Variants in DSP observed in about 807,000 individuals in gnomAD.
DSP encodes the protein desmoplakin.
In DSP, 114 loss-of-function variants were observed where a neutral mutation model predicts 290.6. That is an observed-to-expected ratio of 0.39 (90% CI 0.34 to 0.46). The LOEUF is 0.46. Ranked by LOEUF, DSP falls within the 20% of genes least tolerant of loss-of-function variation. DSP has a pLI of 0.99. For synonymous variants in DSP, 1,311 were observed against 1,316.4 expected, an observed-to-expected ratio of 1.00 and a Z score of 0.09; for missense variants, 3,230 against 3,495.8, an observed-to-expected ratio of 0.92 and a Z score of 1.92.
At chr6:7,561,660 G>A (rs1285717872) in intron 4 of DSP, among the ~76,000 whole-genome samples, 1 of 152,220 alleles carries the variant, frequency 6.6e-6, no homozygotes, top group African/African-American at 2.4e-5. Context: ...GTTTAAAGCC[G>A]AGACAGCTGT....
At chr6:7,559,199 G>C (rs777620086) in intron 3 of DSP, 27 bp from the exon 4 acceptor site, 1 of 1,613,012 alleles carries the variant, frequency 6.2e-7, no homozygotes, top group East Asian at 2.2e-5. Context: ...TTTTCCTGCA[G>C]TGGTTTAAAG....
chr6:7,542,113 T>G, intron 1 of DSP, 28 bp downstream of exon 1: 1 of 1,551,370 alleles, frequency 6.4e-7, no homozygotes, highest in South Asian at 1.2e-5. Context: ...GAGCGCGGGC[T>G]GCGGGGCTCG....
At position 7,583,524 on chromosome 6, in the gene DSP, G is replaced by A; in HGVS notation, c.6262G>A (p.Ala2088Thr). ...CTTCGATGACCGTCAGCAGATATATGCAGCAGAAAAAGCTATCACTGGTTT... is the reference window on the plus strand; with the variant it reads ...CTTCGATGACCGTCAGCAGATATATACAGCAGAAAAAGCTATCACTGGTTT... ...IDFDDRQQIY[A>T]AEKAITGFDD... The change falls in exon 24 of 24, where the codon GCA becomes ACA. Residue 2088 changes from alanine (A) to threonine (T), a missense_variant. By Grantham distance (58) the Ala-to-Thr change is moderately conservative. Around this residue, in one of 5 missense-constraint regions of DSP, gnomAD observed 1,714 missense variants for 1,844.5 expected, o/e 0.93. Coordinates refer to ENST00000379802, the MANE Select transcript of DSP (RefSeq NM_004415.4). The surrounding 1 kb of genome is among the most constrained non-coding windows in gnomAD (Gnocchi z 4.0). 1.2e-6 allele frequency: 2 copies of A among 1,614,172 alleles called. No individual in the cohort carries two copies. Among genetic ancestry groups the A allele is most frequent in the Non-Finnish European group, 1.7e-6 (2 of 1,180,034 alleles).
chr6:7,585,993 C>G lies in DSP; in HGVS notation c.*115C>G. 1 of 1,075,250 alleles carries G rather than the reference C, an allele frequency of 9.3e-7. No individual in the cohort carries two copies. Among genetic ancestry groups the G allele is most frequent in the South Asian group, 1.3e-5 (1 of 74,130 alleles). 66.6% of individuals were successfully genotyped at this position (1,075,250 alleles called of 1,614,324 possible). A position where few individuals can be genotyped will look rare whatever the true frequency, so the allele number is the denominator to read the frequency against. ...CAGTAGAGTGATAGGACATTCTATG[C>G]TTACAGAAAATATAGCCATGATTGA... is the stretch of plus-strand genomic sequence containing the variant. On this transcript the variant is annotated 3_prime_UTR_variant, in exon 24 of 24. Transcript: ENST00000379802.
Position 7,558,133 on chromosome 6 carries a change from T to G in DSP, c.291T>G (p.Asp97Glu), listed in dbSNP as rs769727026. ...LIVQPELKYG[D>E]GIQLTRSREL... ...TCTTTCAGGAATTGAAGTATGGAGA[T>G]GGAATACAACTGACTCGGAGTCGAG... The change falls in exon 3 of 24, where the codon GAT becomes GAG. Residue 97 changes from aspartate to glutamate, a missense_variant. Physicochemically the swap from Asp to Glu is conservative, Grantham distance 45. This residue lies in a region of DSP where 646 missense variants were observed against 684.3 expected (regional missense o/e 0.94). Transcript: ENST00000379802. 1 of 1,614,222 alleles carries G rather than the reference T, an allele frequency of 6.2e-7. No homozygotes were observed. The highest frequency in any genetic ancestry group is 8.5e-7 in the Non-Finnish European group (1 of 1,180,038).
Position 7,543,615 on chromosome 6 carries a change from A to G in DSP, c.170+1530A>G, listed in dbSNP as rs112706018. ...CAGTCCTCCAGGATTTGAGATGCAC[A>G]TCCTTTAAATGTGTGGGTTACACAC... On this transcript the variant is annotated intron_variant, in intron 1 of 23. Transcript: ENST00000379802. Among the ~76,000 whole-genome samples, 1,256 of 152,252 alleles carry G rather than the reference A, an allele frequency of 8.2e-3. 15 individuals are homozygous for G. Among genetic ancestry groups the G allele is most frequent in the African/African-American group, 0.028 (1,143 of 41,548 alleles).
chr6:7,579,106 G>T lies in DSP; in HGVS notation c.3085-169G>T, dbSNP rs1335819832. ...TATGAGCAGCTGGTGCAAGAATTAT[G>T]ATGAGAATCCAGATTTCTTGAATAT... On this transcript the variant is annotated intron_variant, in intron 22 of 23. Coordinates refer to ENST00000379802, the MANE Select transcript of DSP (RefSeq NM_004415.4). This position sits in a 1 kb window ranked among gnomAD's most constrained non-coding sequence, Gnocchi z 4.1. Among the ~76,000 whole-genome samples the T allele has an allele frequency of 6.6e-6, 1 of 152,198 alleles. No homozygotes were observed. Among genetic ancestry groups the T allele is most frequent in the Non-Finnish European group, 1.5e-5 (1 of 68,034 alleles).
intron 2 of DSP, 61 bp downstream of exon 2, chr6:7,555,881 G>C: frequency 6.6e-7 from 1 of 1,513,102 alleles, no homozygotes; most frequent in Non-Finnish European, 9.1e-7. Context: ...ACTGTCCTCT[G>C]GTTAGCTTCT....
intron 15 of DSP, among the ~76,000 whole-genome samples, chr6:7,572,751 C>A (rs537008807): frequency 6.6e-6 from 1 of 152,008 alleles, no homozygotes; most frequent in Non-Finnish European, 1.5e-5. Context: ...GCTTAATGAC[C>A]GGGGCACATT....
chr6:7,548,221 C>G (rs1435788283), intron 1 of DSP, among the ~76,000 whole-genome samples: 1 of 151,712 alleles, frequency 6.6e-6, no homozygotes, highest in Non-Finnish European at 1.5e-5. Flanking sequence ...GAGCTGAGAT[C>G]ATGCCACTGC....
In DSP at chr6:7,580,566, C is replaced by T. The variant is rs1160666212; in HGVS notation, c.4376C>T (p.Thr1459Ile). 1 of 1,613,956 alleles carries T rather than the reference C, an allele frequency of 6.2e-7. No individual in the cohort carries two copies. The highest frequency in any genetic ancestry group is 1.3e-5 in the African/African-American group (1 of 74,856). ...CTGAGACAAGTCACTCAGATGCGAA[C>T]AGAGGAGAGCGTAAGATATAAGCAA... ...VELRQVTQMR[T>I]EESVRYKQSL... Residue 1459 changes from threonine (T) to isoleucine (I), a missense_variant, in exon 23 of 24, where the codon ACA becomes ATA. Transcript: ENST00000379802. The surrounding 1 kb of genome is among the most constrained non-coding windows in gnomAD (Gnocchi z 4.2).
chr6:7,583,994 C>A lies in DSP; in HGVS notation c.6732C>A (p.Asp2244Glu). 1 of 1,614,084 alleles carries A rather than the reference C, an allele frequency of 6.2e-7. No individual in the cohort carries two copies. Among genetic ancestry groups the A allele is most frequent in the Non-Finnish European group, 8.5e-7 (1 of 1,180,020 alleles). The change falls in exon 24 of 24, where the codon GAC (aspartate) becomes GAA (glutamate). Residue 2244 changes from aspartate (D) to glutamate (E), a missense_variant. By Grantham distance (45) the Asp-to-Glu change is conservative. Transcript: ENST00000379802. The surrounding 1 kb of genome is among the most constrained non-coding windows in gnomAD (Gnocchi z 4.0). ...NELESGQISYDEVGERIKDFL... is the reference protein window; with the variant it reads ...NELESGQISYEEVGERIKDFL... ...TGGAATCTGGTCAGATTTCTTATGACGAGGTTGGTGAGAGAATTAAGGACT... is the reference window on the plus strand; with the variant it reads ...TGGAATCTGGTCAGATTTCTTATGAAGAGGTTGGTGAGAGAATTAAGGACT...
chr6:7,571,842 T>C lies in DSP; in HGVS notation c.1904T>C (p.Val635Ala), dbSNP rs900863472. 3.1e-6 allele frequency: 5 copies of C among 1,612,046 alleles called. No individual in the cohort carries two copies. Among genetic ancestry groups the C allele is most frequent in the Non-Finnish European group, 4.2e-6 (5 of 1,180,010 alleles). ...QLPGYPQHQTVTTTEITHHGT... is the reference protein window; with the variant it reads ...QLPGYPQHQTATTTEITHHGT... ...TTGTGGCCCTAACTTCTTTTTACAG[T>C]GACCACAACTGAAATCACTCATCAT... Residue 635 changes from valine to alanine, a missense_variant and splice_region_variant, in exon 15 of 24, where the codon GTG (valine) becomes GCG (alanine). Around this residue, in one of 5 missense-constraint regions of DSP, gnomAD observed 81 missense variants for 130.5 expected, o/e 0.62. Coordinates refer to ENST00000379802, the MANE Select transcript of DSP (RefSeq NM_004415.4).
At chr6:7,572,852 G>C (rs998105156) in intron 15 of DSP, among the ~76,000 whole-genome samples, 1 of 152,188 alleles carries the variant, frequency 6.6e-6, no homozygotes, top group African/African-American at 2.4e-5. Context: ...TATACACCTA[G>C]GCTACAAACC....
rs762495630 is a variant in DSP at position 7,584,944 on chromosome 6, TCTC to T, written c.7685_7687del (p.Ser2562del). 9.9e-6 allele frequency: 16 copies of T among 1,613,998 alleles called. No homozygotes were observed. The highest frequency in any genetic ancestry group is 1.6e-4 in the Middle Eastern group (1 of 6,084). On this transcript the variant is annotated inframe_deletion, in exon 24 of 24. Coordinates refer to ENST00000379802, the MANE Select transcript of DSP (RefSeq NM_004415.4). The surrounding 1 kb of genome is among the most constrained non-coding windows in gnomAD (Gnocchi z 6.4). ...AGCCTCACTCAATTTGCTGACATGA[TCTC>T]CTTGAAAAATGGTGTCGGCACCAGC...
In DSP at chr6:7,580,483, A is replaced by C. The variant is rs1410189405; in HGVS notation, c.4293A>C (p.Gln1431His). The change falls in exon 23 of 24, where the codon CAA (glutamine) becomes CAC (histidine). Residue 1431 changes from glutamine to histidine, a missense_variant. By Grantham distance (24) the Gln-to-His change is conservative (BLOSUM62 0). This residue lies in a region of DSP where 1,714 missense variants were observed against 1,844.5 expected (regional missense o/e 0.93). Transcript: ENST00000379802. This position sits in a 1 kb window ranked among gnomAD's most constrained non-coding sequence, Gnocchi z 4.2. ...TCAGGAGGGTGGAAGAAGACATCCA[A>C]CAGCAAAAGGCCACTGGCTCTGAGG... ...ENLRRVEEDI[Q>H]QQKATGSEVS... The C allele has an allele frequency of 6.2e-7, 1 of 1,614,032 alleles. No homozygotes were observed. The highest frequency in any genetic ancestry group is 1.1e-5 in the South Asian group (1 of 91,060).
At chr6:7,568,891 A>C (rs976093980) in intron 11 of DSP, among the ~76,000 whole-genome samples, 1 of 152,242 alleles carries the variant, frequency 6.6e-6, no homozygotes, top group Non-Finnish European at 1.5e-5. Context: ...GATAAAAGAA[A>C]TGAGAAATGA....
At chr6:7,548,987 C>T (rs1006249499) in intron 1 of DSP, among the ~76,000 whole-genome samples, 1 of 152,116 alleles carries the variant, frequency 6.6e-6, no homozygotes, top group African/African-American at 2.4e-5. Flanking sequence ...CTTTGCTCTC[C>T]AGGAGCAGGT....
Position 7,583,908 on chromosome 6 carries a change from C to T in DSP, c.6646C>T (p.Pro2216Ser). 1.9e-6 allele frequency: 3 copies of T among 1,614,122 alleles called. No homozygotes were observed. Among genetic ancestry groups the T allele is most frequent in the Non-Finnish European group, 1.7e-6 (2 of 1,180,042 alleles). The change falls in exon 24 of 24, where the codon CCT becomes TCT. Residue 2216 changes from proline (P) to serine (S), a missense_variant. Around this residue, in one of 5 missense-constraint regions of DSP, gnomAD observed 207 missense variants for 281.2 expected, o/e 0.74. Transcript: ENST00000379802. The surrounding 1 kb of genome is among the most constrained non-coding windows in gnomAD (Gnocchi z 4.0). The part of the protein sequence containing the change: ...RSMSFQGIRQ[P>S]VTVTELVDSG... ...CATGTCCTTCCAAGGAATCAGACAACCTGTGACCGTCACTGAGCTAGTAGA... is the reference window on the plus strand; with the variant it reads ...CATGTCCTTCCAAGGAATCAGACAATCTGTGACCGTCACTGAGCTAGTAGA...
Sources: allele counts gnomAD v4.1 joint callset (sites outside exome capture counted in the v4.1 genomes callset), GRCh38; gene constraint gnomAD v4.1.1; regional missense constraint gnomAD v4.1.1; non-coding constraint Gnocchi (gnomAD v3.1); transcripts MANE v1.5; gene names NCBI Gene and HGNC (gene_info 2026-07-23, HGNC 2026-07-21).